The following PDLIM5 variants were observed in gnomAD, a reference collection of about 807,000 sequenced individuals.
PDLIM5 encodes PDZ and LIM domain 5.
Under a neutral mutation model 64.2 loss-of-function variants are expected in PDLIM5, and 34 were observed. The ratio of observed to expected loss-of-function variants is 0.53; its 90% CI spans 0.40 to 0.71. PDLIM5 has a LOEUF of 0.71. Among genes scored for constraint, PDLIM5 ranks in the 30% least tolerant of loss-of-function variants. The pLI is 0.00. For missense variants in PDLIM5, 683 were observed against 733.6 expected (o/e 0.93, Z 0.80); for synonymous variants, 253 against 269.1 (o/e 0.94, Z 0.59).
intron 2 of PDLIM5, among the ~76,000 whole-genome samples, chr4:94,512,183 G>A (rs551809266): frequency 9.2e-5 from 14 of 152,078 alleles, no homozygotes; most frequent in African/African-American, 3.1e-4. Flanking sequence ...ACCACACCCG[G>A]CTAATTTTTG....
intron 3 of PDLIM5, among the ~76,000 whole-genome samples, chr4:94,560,973 C>T (rs577176680): frequency 9.2e-5 from 14 of 152,132 alleles, no homozygotes; most frequent in South Asian, 6.2e-4. Context: ...ATGATCCGCC[C>T]GCCTCGGCCT....
chr4:94,615,614 C>T (rs1027201840), intron 7 of PDLIM5, among the ~76,000 whole-genome samples: 1 of 152,120 alleles, frequency 6.6e-6, no homozygotes, highest in Non-Finnish European at 1.5e-5. Context: ...TAGATTGTAG[C>T]TTTATCTTAG....
chr4:94,647,704 A>C (rs1741526891), intron 9 of PDLIM5, among the ~76,000 whole-genome samples: 1 of 152,188 alleles, frequency 6.6e-6, no homozygotes, highest in Non-Finnish European at 1.5e-5. Flanking sequence ...ATCCAGCAGA[A>C]TATATATTCT....
intron 2 of PDLIM5, among the ~76,000 whole-genome samples, chr4:94,462,283 A>G (rs1395700922): frequency 6.6e-6 from 1 of 152,178 alleles, no homozygotes; most frequent in Admixed American, 6.5e-5. Context: ...CACCTGTGTT[A>G]GTAGTATACT....
chr4:94,561,980 A>G (rs567926506), intron 3 of PDLIM5, among the ~76,000 whole-genome samples: 32 of 152,354 alleles, frequency 2.1e-4, no homozygotes, highest in African/African-American at 7.7e-4. Context: ...CTTTGCAGAC[A>G]TGTACTAGCC....
At chr4:94,595,627 CTT>C (rs1248493017) in intron 7 of PDLIM5, among the ~76,000 whole-genome samples, 1 of 152,028 alleles carries the variant, frequency 6.6e-6, no homozygotes, top group Non-Finnish European at 1.5e-5. Context: ...TTTTTTAAAA[CTT>C]TGTTGATATT....
At chr4:94,606,472 C>T (rs563375630) in intron 7 of PDLIM5, among the ~76,000 whole-genome samples, 35 of 152,148 alleles carry the variant, frequency 2.3e-4, no homozygotes, top group East Asian at 1.4e-3. Context: ...GAGTAGGAGA[C>T]TGTGCAGAGG....
At chr4:94,589,753 T>A (rs2110326762) in intron 7 of PDLIM5, among the ~76,000 whole-genome samples, 1 of 151,726 alleles carries the variant, frequency 6.6e-6, no homozygotes, top group Non-Finnish European at 1.5e-5. Context: ...TTTCTTTTCT[T>A]TTCTTTCCTT....
At chr4:94,645,289 A>G (rs149901108) in intron 9 of PDLIM5, among the ~76,000 whole-genome samples, 3,715 of 152,310 alleles carry the variant, frequency 0.024, 156 homozygotes, top group East Asian at 0.15. Flanking sequence ...TTGTGTATAT[A>G]TACCACAGTT....
intron 2 of PDLIM5, among the ~76,000 whole-genome samples, chr4:94,480,216 A>T (rs1364975456): frequency 4.6e-5 from 7 of 152,140 alleles, no homozygotes; most frequent in Non-Finnish European, 1.0e-4. Flanking sequence ...AATTTTCTTA[A>T]TTTTTTCTAA....
Position 94,596,535 on chromosome 4 carries a change from G to GT in PDLIM5, c.920+10102dup, listed in dbSNP as rs879501673. ...TATTGAAGAAGACTCCTGCACTTTA[G>GT]TTTTTTTTTTTCTTCAAAAGAAATC... On this transcript the variant is annotated intron_variant, in intron 7 of 12. Coordinates refer to ENST00000317968, the MANE Select transcript of PDLIM5 (RefSeq NM_006457.5). 2.6e-3 allele frequency among the ~76,000 whole-genome samples: 388 copies of GT among 146,614 alleles called. 1 individual carries two copies. The highest frequency in any genetic ancestry group is 7.1e-3 in the Middle Eastern group (2 of 280).
chr4:94,641,532 G>A (rs996908382), intron 9 of PDLIM5, among the ~76,000 whole-genome samples: 1 of 152,062 alleles, frequency 6.6e-6, no homozygotes, highest in East Asian at 1.9e-4. Context: ...TCATTGTGAC[G>A]TTTAAAAAAC....
At chr4:94,467,819 A>G (rs1045954192) in intron 2 of PDLIM5, among the ~76,000 whole-genome samples, 1 of 152,296 alleles carries the variant, frequency 6.6e-6, no homozygotes, top group East Asian at 1.9e-4. Context: ...CACAACAAAC[A>G]TGCATGTTTG....
chr4:94,494,410 A>G (rs2126123969), intron 2 of PDLIM5, among the ~76,000 whole-genome samples: 1 of 92,570 alleles, frequency 1.1e-5, no homozygotes, highest in East Asian at 4.1e-4. Flanking sequence ...TATCCTGAGC[A>G]TTCACTAATT....
intron 9 of PDLIM5, among the ~76,000 whole-genome samples, chr4:94,653,302 A>G (rs1741979163): frequency 6.6e-6 from 1 of 152,174 alleles, no homozygotes; most frequent in South Asian, 2.1e-4. Flanking sequence ...TGAATTCATA[A>G]TAACTGTCCT....
intron 9 of PDLIM5, among the ~76,000 whole-genome samples, chr4:94,644,699 G>A (rs1309642277): frequency 1.3e-5 from 2 of 151,894 alleles, no homozygotes; most frequent in African/African-American, 4.8e-5. Flanking sequence ...CTGCCACCAC[G>A]CCCAGCTAAT....
At chr4:94,574,362 G>A (rs956760206) in intron 4 of PDLIM5, among the ~76,000 whole-genome samples, 1 of 151,964 alleles carries the variant, frequency 6.6e-6, no homozygotes, top group African/African-American at 2.4e-5. Context: ...GCTGGGCATG[G>A]TGTCACGCAT....
At chr4:94,526,736 TTC>T (rs1384822823) in intron 3 of PDLIM5, among the ~76,000 whole-genome samples, 4 of 151,422 alleles carry the variant, frequency 2.6e-5, no homozygotes, top group African/African-American at 2.4e-5. Flanking sequence ...ATTTCTTTCT[TTC>T]TTTTTTTTTT....
chr4:94,520,388 T>C (rs1186264924), intron 2 of PDLIM5, among the ~76,000 whole-genome samples: 2 of 152,178 alleles, frequency 1.3e-5, no homozygotes, highest in African/African-American at 2.4e-5. Context: ...GTACAAGATA[T>C]ACTGATGACA....
Sources: allele counts gnomAD v4.1 joint callset (sites outside exome capture counted in the v4.1 genomes callset), GRCh38; gene constraint gnomAD v4.1.1; transcripts MANE v1.5; gene names NCBI Gene and HGNC (gene_info 2026-07-23, HGNC 2026-07-21).